The following MYH10 variants were observed in gnomAD, a reference collection of about 807,000 sequenced individuals.
MYH10 encodes the protein myosin heavy chain 10, also known as myosin-10.
A neutral mutation model predicts 257.8 loss-of-function variants in MYH10; 55 were observed. That is an observed-to-expected ratio of 0.21 (90% CI 0.17 to 0.27). The LOEUF (loss-of-function observed/expected upper bound fraction) is 0.27, where lower values mean the gene tolerates loss of function less well. Among genes scored for constraint, MYH10 ranks in the 10% least tolerant of loss-of-function variants. The probability of loss-of-function intolerance (pLI) is 1.00; values close to 1 mark genes in which losing one functional copy is unlikely to be tolerated. For missense variants in MYH10, 1,631 were observed against 2,500.6 expected, an observed-to-expected ratio of 0.65 and a Z score of 7.42; for synonymous variants, 854 against 921.7, an observed-to-expected ratio of 0.93 and a Z score of 1.33.
At chr17:8,511,901 A>G (rs1437897199) in intron 24 of MYH10, among the ~76,000 whole-genome samples, 1 of 152,266 alleles carries the variant, frequency 6.6e-6, no homozygotes, top group Non-Finnish European at 1.5e-5. Context: ...TCTAAAATAT[A>G]AAGACCATTT....
Position 8,477,169 on chromosome 17 carries a change from GGA to G in MYH10, c.5707-123_5707-122del. ...TACCCTTGTGAGCACGCGTGTACAC[GGA>G]TGTACACGCGTGCCTGGGGGCTGGT... On this transcript the variant is annotated intron_variant, in intron 41 of 42. Coordinates refer to ENST00000360416, the MANE Select transcript of MYH10 (RefSeq NM_001256012.3). The surrounding 1 kb of genome is among the most constrained non-coding windows in gnomAD (Gnocchi z 4.2). 23 of 1,047,870 alleles carry G rather than the reference GGA, an allele frequency of 2.2e-5. No homozygotes were observed. Among genetic ancestry groups the G allele is most frequent in the Non-Finnish European group, 2.7e-5 (20 of 730,126 alleles). 64.9% of individuals were successfully genotyped at this position (1,047,870 alleles called of 1,614,324 possible).
At chr17:8,602,420 A>G (rs2084646413) in intron 3 of MYH10, among the ~76,000 whole-genome samples, 1 of 152,220 alleles carries the variant, frequency 6.6e-6, no homozygotes, top group South Asian at 2.1e-4. Context: ...AGTGACACTT[A>G]GCTATCCATT....
chr17:8,532,083 C>T (rs1254161973), intron 16 of MYH10, among the ~76,000 whole-genome samples: 2 of 152,188 alleles, frequency 1.3e-5, no homozygotes, highest in Non-Finnish European at 2.9e-5. Flanking sequence ...AGATCTTCTC[C>T]GTCACTCAGA....
chr17:8,588,945 G>T, intron 4 of MYH10, 136 bp downstream of exon 4: 1 of 812,484 alleles, frequency 1.2e-6, no homozygotes, highest in Non-Finnish European at 2.0e-6. Context: ...CATAATCTTA[G>T]TCTTAAAATA....
In MYH10 at chr17:8,570,558, A is replaced by G. The variant is rs182465253; in HGVS notation, c.664-746T>C. ...CATTTCTGGCCATGAAAAGCACCAGAAGTGATGCTGTGTTTCTGGAATGTA... is the reference window on the plus strand; with the variant it reads ...CATTTCTGGCCATGAAAAGCACCAGGAGTGATGCTGTGTTTCTGGAATGTA... On this transcript the variant is annotated intron_variant, in intron 6 of 42. Coordinates refer to ENST00000360416, the MANE Select transcript of MYH10 (RefSeq NM_001256012.3). Among the ~76,000 whole-genome samples, 505 of 152,316 alleles carry G rather than the reference A, an allele frequency of 3.3e-3. 3 individuals carry two copies. The highest frequency in any genetic ancestry group is 0.012 in the African/African-American group (483 of 41,572).
chr17:8,493,082 A>G (rs1916031749), intron 32 of MYH10, 58 bp from the exon 33 acceptor site: 3 of 1,564,192 alleles, frequency 1.9e-6, no homozygotes, highest in African/African-American at 1.4e-5. Context: ...AATTGGGGCC[A>G]GGCATGGTGG....
At chr17:8,485,942 A>G (rs1320492398) in intron 36 of MYH10, among the ~76,000 whole-genome samples, 3 of 152,244 alleles carry the variant, frequency 2.0e-5, no homozygotes, top group Non-Finnish European at 4.4e-5. Flanking sequence ...ACTGGGGGAT[A>G]GACGAGTAAA....
At chr17:8,524,674 C>T (rs1049872578) in intron 17 of MYH10, among the ~76,000 whole-genome samples, 3 of 152,092 alleles carry the variant, frequency 2.0e-5, no homozygotes, top group Admixed American at 2.0e-4. Flanking sequence ...CTGCTTCTGA[C>T]CTGGATCCTG....
At chr17:8,502,547 A>G (rs369644866) in intron 28 of MYH10, among the ~76,000 whole-genome samples, 2 of 151,966 alleles carry the variant, frequency 1.3e-5, no homozygotes, top group African/African-American at 4.8e-5. Flanking sequence ...GGAAACCTTC[A>G]TCTTCTCTTC....
chr17:8,589,027 G>A, intron 4 of MYH10, 54 bp downstream of exon 4: 1 of 1,567,358 alleles, frequency 6.4e-7, no homozygotes, highest in Non-Finnish European at 8.8e-7. Flanking sequence ...AAAAATAGTT[G>A]CTCCACTTTC....
At chr17:8,516,288 C>A (rs1216958825) in intron 21 of MYH10, among the ~76,000 whole-genome samples, 2 of 152,224 alleles carry the variant, frequency 1.3e-5, no homozygotes, top group African/African-American at 2.4e-5. Flanking sequence ...GTGCTTCAAG[C>A]TCAAGTTCAT....
chr17:8,514,625 A>AC (rs1269347970), intron 21 of MYH10, among the ~76,000 whole-genome samples: 1 of 148,808 alleles, frequency 6.7e-6, no homozygotes, highest in African/African-American at 2.5e-5. Context: ...GAAACCCTCA[A>AC]CCCCCCTCCT....
chr17:8,542,435 G>A (rs1401671026), intron 13 of MYH10, among the ~76,000 whole-genome samples, 155 bp from the exon 14 acceptor site: 1 of 152,164 alleles, frequency 6.6e-6, no homozygotes, highest in East Asian at 1.9e-4. Flanking sequence ...ACTAAACCAA[G>A]GGGGGTGGTC....
chr17:8,612,650 A>G (rs2085086910), intron 2 of MYH10, among the ~76,000 whole-genome samples: 1 of 152,138 alleles, frequency 6.6e-6, no homozygotes, highest in Non-Finnish European at 1.5e-5. Context: ...CAGGAGTTCA[A>G]AACCAGCCTG....
intron 16 of MYH10, among the ~76,000 whole-genome samples, chr17:8,534,981 C>T (rs926593166): frequency 1.3e-5 from 2 of 152,172 alleles, no homozygotes; most frequent in African/African-American, 2.4e-5. Context: ...CTGGGTGTCG[C>T]GGCGGGTGCG....
intron 35 of MYH10, 51 bp from the exon 36 acceptor site, chr17:8,487,645 A>G (rs375453697): frequency 8.7e-6 from 14 of 1,607,506 alleles, no homozygotes; most frequent in Admixed American, 1.7e-5. Context: ...ATCTGCTCGC[A>G]GAACAGGCAG....
In MYH10 at chr17:8,487,421, G is replaced by A. The variant is rs372060849; in HGVS notation, c.5046+12C>T. The A allele has an allele frequency of 2.4e-5, 39 of 1,613,812 alleles. No individual in the cohort carries two copies. Among genetic ancestry groups the A allele is most frequent in the Non-Finnish European group, 3.3e-5 (39 of 1,180,016 alleles). On this transcript the variant is annotated intron_variant, in intron 36 of 42. Coordinates refer to ENST00000360416, the MANE Select transcript of MYH10 (RefSeq NM_001256012.3). ...GGTGCCATCCAGAGACTCCATGGGTGAAGGCACATACCTGGAGCTTGCGGA... is the reference window on the plus strand; with the variant it reads ...GGTGCCATCCAGAGACTCCATGGGTAAAGGCACATACCTGGAGCTTGCGGA...
At chr17:8,573,523 T>C (rs1391042309) in intron 6 of MYH10, among the ~76,000 whole-genome samples, 1 of 152,160 alleles carries the variant, frequency 6.6e-6, no homozygotes, top group Non-Finnish European at 1.5e-5. Context: ...GACGGTCAAG[T>C]TTAAGAACTT....
At position 8,492,762 on chromosome 17, in the gene MYH10, C is replaced by T. The variant is rs371711983; in HGVS notation, c.4458+14G>A. Reference sequence around the variant, plus strand: ...AGAGCTCTGCCAGGAGGAAACGACACGTGGCCGACCCACCTGGTCAAACTT... The same window carrying T: ...AGAGCTCTGCCAGGAGGAAACGACATGTGGCCGACCCACCTGGTCAAACTT... On this transcript the variant is annotated intron_variant, in intron 33 of 42. Coordinates refer to ENST00000360416, the MANE Select transcript of MYH10 (RefSeq NM_001256012.3). 1.6e-5 allele frequency: 26 copies of T among 1,611,158 alleles called. No homozygotes were observed. Among genetic ancestry groups the T allele is most frequent in the East Asian group, 2.2e-5 (1 of 44,842 alleles).
Sources: gnomAD v4.1 joint callset for allele counts (sites outside exome capture counted in the v4.1 genomes callset) on GRCh38, gnomAD v4.1.1 for gene constraint, Gnocchi (gnomAD v3.1) non-coding constraint, MANE v1.5 for transcripts, NCBI Gene and HGNC (gene_info 2026-07-23, HGNC 2026-07-21) for gene names.